The following RPS6KA2 variants were observed in gnomAD, a reference collection of about 807,000 sequenced individuals.
RPS6KA2 encodes the protein ribosomal protein S6 kinase alpha-2.
In RPS6KA2, 42 loss-of-function variants were observed where a neutral mutation model predicts 91.8. The observed-to-expected ratio is 0.46, with a 90% CI of 0.36 to 0.59. RPS6KA2 has a LOEUF of 0.59. RPS6KA2 is among the 20% of genes least tolerant of loss of function. RPS6KA2 has a pLI of 0.00. For missense variants in RPS6KA2, 798 were observed against 978.5 expected, an observed-to-expected ratio of 0.82 and a Z score of 2.46; for synonymous variants, 414 against 393.6, an observed-to-expected ratio of 1.05 and a Z score of -0.61.
At chr6:166,751,821 G>A (rs1290457094) in intron 2 of RPS6KA2, among the ~76,000 whole-genome samples, 1 of 152,206 alleles carries the variant, frequency 6.6e-6, no homozygotes, top group East Asian at 1.9e-4. Context: ...AGCAGAACAT[G>A]TCTTCATGAC....
chr6:166,781,302 G>A (rs1289792432), intron 2 of RPS6KA2, among the ~76,000 whole-genome samples: 3 of 152,226 alleles, frequency 2.0e-5, no homozygotes, highest in Non-Finnish European at 4.4e-5. Flanking sequence ...GCATTTTGGG[G>A]ATTGTTCAAG....
intron 2 of RPS6KA2, among the ~76,000 whole-genome samples, chr6:166,750,114 A>AGAGAAGTT (rs1313839773): frequency 1.6e-4 from 24 of 152,174 alleles, no homozygotes; most frequent in African/African-American, 5.5e-4. Context: ...CCCATGCCGG[A>AGAGAAGTT]GAGAAGTTGG....
At chr6:166,514,273 G>T (rs114974655) in intron 3 of RPS6KA2, among the ~76,000 whole-genome samples, 23 of 152,334 alleles carry the variant, frequency 1.5e-4, no homozygotes, top group African/African-American at 5.3e-4. Context: ...GAAGAGGCAG[G>T]CTCTGCCCTC....
chr6:166,564,141 GA>G (rs1784424447), intron 1 of RPS6KA2, among the ~76,000 whole-genome samples: 1 of 152,172 alleles, frequency 6.6e-6, no homozygotes, highest in Non-Finnish European at 1.5e-5. Context: ...CATTTCCCGG[GA>G]AAATGCAAAA....
chr6:166,510,554 C>CAT lies in RPS6KA2; in HGVS notation c.299-199_299-198dup, dbSNP rs58712416. ...TTTAATACATTTGCTTTCTCTCTCT[C>CAT]ATATATATATATATATATATATATA... is the stretch of plus-strand genomic sequence containing the variant. On this transcript the variant is annotated intron_variant, in intron 3 of 20. Transcript: ENST00000265678. Among the ~76,000 whole-genome samples, 412 of 78,128 alleles carry CAT rather than the reference C, an allele frequency of 5.3e-3. 5 individuals carry two copies. The highest frequency in any genetic ancestry group is 7.4e-3 in the Non-Finnish European group (289 of 39,144). 51.3% of individuals were successfully genotyped at this position (78,128 alleles called of 152,430 possible).
rs780746369 is a variant in RPS6KA2 at position 166,508,217 on chromosome 6, G to A, written c.445C>T (p.Arg149Trp). ...DFLRGGDLFT[R>W]LSKEVMFTEE... ...CGGCTGCTCACCTCTTTGGAGAGCCGGGTGAAGAGGTCCCCTCCCCGCAGG... is the reference window on the plus strand; with the variant it reads ...CGGCTGCTCACCTCTTTGGAGAGCCAGGTGAAGAGGTCCCCTCCCCGCAGG... Residue 149 changes from arginine (R) to tryptophan (W), a missense_variant, in exon 5 of 21, where the codon CGG (arginine) becomes TGG (tryptophan). Coordinates refer to ENST00000265678, the MANE Select transcript of RPS6KA2 (RefSeq NM_021135.6). This position sits in a 1 kb window ranked among gnomAD's most constrained non-coding sequence, Gnocchi z 4.3. The A allele has an allele frequency of 4.3e-6, 7 of 1,611,654 alleles. No individual in the cohort carries two copies. Among genetic ancestry groups the A allele is most frequent in the African/African-American group, 2.7e-5 (2 of 74,864 alleles).
In RPS6KA2 at chr6:166,666,890, T is replaced by C. The variant is rs147801110; in HGVS notation, c.124-128106A>G. 2.6e-5 allele frequency among the ~76,000 whole-genome samples: 4 copies of C among 152,230 alleles called. No individual in the cohort carries two copies. The highest frequency in any genetic ancestry group is 2.1e-4 in the South Asian group (1 of 4,822). The stretch of plus-strand genomic sequence containing the variant: ...ACCTCAGTGTTCATTGGTGGATGGA[T>C]GGGTAGCAGAGTGCGGTGTAGGCAC... On this transcript the variant is annotated intron_variant, in intron 2 of 21. Transcript: ENST00000503859. The surrounding 1 kb of genome is among the most constrained non-coding windows in gnomAD (Gnocchi z 4.0).
rs1783377078 is a variant in RPS6KA2, at chr6:166,533,727, T to A, written c.217-2414A>T. On this transcript the variant is annotated intron_variant, in intron 2 of 20. Coordinates refer to ENST00000265678, the MANE Select transcript of RPS6KA2 (RefSeq NM_021135.6). The surrounding 1 kb of genome is among the most constrained non-coding windows in gnomAD (Gnocchi z 4.0). ...GGACTTTGGTAGGGTGACAGATGAA[T>A]CTATCCATTCCATTGCGGCGAAGCT... Among the ~76,000 whole-genome samples, 2 of 152,160 alleles carry A rather than the reference T, an allele frequency of 1.3e-5. No individual in the cohort carries two copies. The highest frequency in any genetic ancestry group is 4.8e-5 in the African/African-American group (2 of 41,426).
At chr6:166,481,823 T>C (rs1488115660) in intron 10 of RPS6KA2, among the ~76,000 whole-genome samples, 1 of 150,658 alleles carries the variant, frequency 6.6e-6, no homozygotes, top group Non-Finnish European at 1.5e-5. Context: ...ACTGCAGGTA[T>C]ACCTCTCTGA....
intron 10 of RPS6KA2, among the ~76,000 whole-genome samples, chr6:166,480,479 T>TTATATATATATATATATATA (rs3066214): frequency 5.2e-4 from 52 of 99,824 alleles, no homozygotes; most frequent in African/African-American, 1.2e-3. Flanking sequence ...GATTGTGATT[T>TTATATATATATATATATATA]TATATATATA....
rs397953275 is a variant in RPS6KA2 at position 166,553,448 on chromosome 6, C to CTT, written c.100-14666_100-14665dup. 1.2e-4 allele frequency among the ~76,000 whole-genome samples: 17 copies of CTT among 140,328 alleles called. No individual in the cohort carries two copies. The East Asian group carries it at 1.4e-3, about 12-fold the overall frequency. The allele number at this position is 140,328 out of a possible 152,430, so 92.1% of individuals were successfully genotyped here. A position where few individuals can be genotyped will look rare whatever the true frequency, so the allele number is the denominator to read the frequency against. On this transcript the variant is annotated intron_variant, in intron 1 of 20. Coordinates refer to ENST00000265678, the MANE Select transcript of RPS6KA2 (RefSeq NM_021135.6). Reference sequence around the variant, plus strand: ...CTCCACTTACTCATGTTTAGTCCCACTTTTTTTTTTTTTTCCTTAAACTCC... The same window carrying CTT: ...CTCCACTTACTCATGTTTAGTCCCACTTTTTTTTTTTTTTTTCCTTAAACTCC...
chr6:166,753,481 GT>G lies in RPS6KA2; in HGVS notation c.123+104718del, dbSNP rs560481347. Among the ~76,000 whole-genome samples, 74 of 152,204 alleles carry G rather than the reference GT, an allele frequency of 4.9e-4. No individual in the cohort carries two copies. In the South Asian group the frequency reaches 0.014, roughly 29 times the overall value. ...GTCCTATATTTATATAAAAATCACT[GT>G]GTTGACCTTTCTACATGTTCTTCCA... is the stretch of plus-strand genomic sequence containing the variant. On this transcript the variant is annotated intron_variant, in intron 2 of 21. Coordinates refer to the RPS6KA2 transcript ENST00000503859.
intron 1 of RPS6KA2, among the ~76,000 whole-genome samples, chr6:166,555,453 T>C (rs1273817819): frequency 6.6e-6 from 1 of 152,164 alleles, no homozygotes; most frequent in Non-Finnish European, 1.5e-5. Context: ...GTGTAGAATA[T>C]AGCTTCTTCC....
chr6:166,590,587 T>C (rs1405834654), intron 1 of RPS6KA2, among the ~76,000 whole-genome samples: 2 of 152,164 alleles, frequency 1.3e-5, no homozygotes, highest in Non-Finnish European at 2.9e-5. Context: ...GGGATTCGTG[T>C]GGAATGAGTT....
rs1000963146 is a variant in RPS6KA2 at position 166,459,919 on chromosome 6, C to T, written c.973-368G>A. 2.0e-5 allele frequency among the ~76,000 whole-genome samples: 3 copies of T among 152,218 alleles called. No homozygotes were observed. Among genetic ancestry groups the T allele is most frequent in the Non-Finnish European group, 4.4e-5 (3 of 68,034 alleles). ...CAAGTAAAATCATACAGGACAGCCACCACTTGCCCCCACTGGGGACAGCAG... is the reference window on the plus strand; with the variant it reads ...CAAGTAAAATCATACAGGACAGCCATCACTTGCCCCCACTGGGGACAGCAG... On this transcript the variant is annotated intron_variant, in intron 11 of 20. Transcript: ENST00000265678. This position sits in a 1 kb window ranked among gnomAD's most constrained non-coding sequence, Gnocchi z 4.9.
intron 2 of RPS6KA2, among the ~76,000 whole-genome samples, chr6:166,801,295 T>A (rs1421260024): frequency 1.3e-5 from 2 of 151,502 alleles, no homozygotes; most frequent in Non-Finnish European, 2.9e-5. Context: ...GCGGAGGAGG[T>A]GGGGAGAGGA....
Position 166,493,161 on chromosome 6 carries a change from G to C in RPS6KA2, c.748-2420C>G, listed in dbSNP as rs1269786170. On this transcript the variant is annotated intron_variant, in intron 8 of 20. Transcript: ENST00000265678. This position sits in a 1 kb window ranked among gnomAD's most constrained non-coding sequence, Gnocchi z 4.7. ...AGGTCCCCAACCATCTACTCAGCCA[G>C]AGAACACCCAGCACAGCACCCATGA... is the stretch of plus-strand genomic sequence containing the variant. Among the ~76,000 whole-genome samples the C allele has an allele frequency of 6.6e-6, 1 of 152,044 alleles. No homozygotes were observed. Among genetic ancestry groups the C allele is most frequent in the Non-Finnish European group, 1.5e-5 (1 of 67,992 alleles).
intron 2 of RPS6KA2, among the ~76,000 whole-genome samples, chr6:166,801,767 CAAT>C (rs1168935474): frequency 1.3e-5 from 2 of 152,110 alleles, no homozygotes; most frequent in African/African-American, 2.4e-5. Context: ...AATTTTCAAA[CAAT>C]GAGTATATTT....
At chr6:166,585,130 A>G (rs568184218) in intron 1 of RPS6KA2, among the ~76,000 whole-genome samples, 3 of 152,240 alleles carry the variant, frequency 2.0e-5, no homozygotes, top group Admixed American at 6.5e-5. Context: ...AAAGAAGATC[A>G]TAAGTAACAC....
Sources: gnomAD v4.1 joint callset for allele counts (sites outside exome capture counted in the v4.1 genomes callset) on GRCh38, gnomAD v4.1.1 for gene constraint, Gnocchi (gnomAD v3.1) non-coding constraint, MANE v1.5 for transcripts, NCBI Gene and HGNC (gene_info 2026-07-23, HGNC 2026-07-21) for gene names.